The following CSMD3 variants were observed in gnomAD, a reference collection of about 807,000 sequenced individuals.
CSMD3 encodes CUB and sushi domain-containing protein 3.
Under a neutral mutation model 435.2 loss-of-function variants are expected in CSMD3, and 177 were observed. That is an observed-to-expected ratio of 0.41 (90% CI 0.36 to 0.46). CSMD3 has a LOEUF of 0.46. Among genes scored for constraint, CSMD3 ranks in the 20% least tolerant of loss-of-function variants. The pLI, the probability that CSMD3 is intolerant of heterozygous loss-of-function variation, is 0.34. For synonymous variants in CSMD3, 1,656 were observed against 1,520.5 expected (o/e 1.09, Z -2.07); for missense variants, 4,265 against 4,504.6 (o/e 0.95, Z 1.52).
intron 3 of CSMD3, among the ~76,000 whole-genome samples, chr8:113,273,369 T>G (rs552084329): frequency 2.2e-3 from 339 of 152,144 alleles, no homozygotes; most frequent in African/African-American, 7.8e-3. Context: ...ACTTTGTTTT[T>G]TGCGGTTTCA....
chr8:113,366,970 C>T (rs1174664881), intron 1 of CSMD3, among the ~76,000 whole-genome samples: 2 of 151,902 alleles, frequency 1.3e-5, no homozygotes, highest in Non-Finnish European at 2.9e-5. Flanking sequence ...AGGTTATTCC[C>T]TTTAAACTAA....
At chr8:113,090,986 T>TAG (rs2089983218) in intron 5 of CSMD3, among the ~76,000 whole-genome samples, 1 of 152,114 alleles carries the variant, frequency 6.6e-6, no homozygotes, top group African/African-American at 2.4e-5. Flanking sequence ...AAAAAATACA[T>TAG]AGAGAGAGTT....
At chr8:112,670,900 G>C (rs2131728204) in intron 16 of CSMD3, among the ~76,000 whole-genome samples, 1 of 152,130 alleles carries the variant, frequency 6.6e-6, no homozygotes, top group South Asian at 2.1e-4. Context: ...TGAATATTTA[G>C]AGGAAAAAAT....
intron 32 of CSMD3, among the ~76,000 whole-genome samples, chr8:112,434,790 C>T (rs1450176576): frequency 6.6e-6 from 1 of 152,058 alleles, no homozygotes; most frequent in Non-Finnish European, 1.5e-5. Flanking sequence ...TTAATGAGGG[C>T]TCCCCAAGTA....
chr8:113,209,391 A>G (rs2092806404), intron 3 of CSMD3, among the ~76,000 whole-genome samples: 1 of 152,178 alleles, frequency 6.6e-6, no homozygotes, highest in Non-Finnish European at 1.5e-5. Context: ...CTAAGGCACA[A>G]GATATTTCAA....
intron 69 of CSMD3, among the ~76,000 whole-genome samples, chr8:112,230,758 G>C (rs900202675): frequency 2.6e-5 from 4 of 152,102 alleles, no homozygotes; most frequent in African/African-American, 9.6e-5. Context: ...TTTGCAGTGA[G>C]CCAAGACTGT....
chr8:112,806,739 C>A (rs1486885825), intron 12 of CSMD3, among the ~76,000 whole-genome samples: 1 of 152,114 alleles, frequency 6.6e-6, no homozygotes, highest in African/African-American at 2.4e-5. Context: ...TTCAGCTCAC[C>A]TCCACTAGAA....
intron 1 of CSMD3, among the ~76,000 whole-genome samples, chr8:113,404,243 CATA>C (rs1324052517): frequency 6.6e-6 from 1 of 151,206 alleles, no homozygotes; most frequent in Non-Finnish European, 1.5e-5. Context: ...TAATGAAATG[CATA>C]ATATGATATA....
intron 32 of CSMD3, 97 bp downstream of exon 32, chr8:112,472,494 A>G: frequency 1.3e-6 from 1 of 774,800 alleles, no homozygotes; most frequent in South Asian, 1.4e-5. Context: ...TACTTTATGG[A>G]TAGCACGTAT....
Position 112,786,121 on chromosome 8 carries a change from TC to T in CSMD3, c.1972+14040del, listed in dbSNP as rs940922088. On this transcript the variant is annotated intron_variant, in intron 13 of 70. Transcript: ENST00000297405. ...ACAGAATCAAGAACCCAGAAATAAATCCATACATTTGCAATGAACTCATTTT... is the reference window on the plus strand; with the variant it reads ...ACAGAATCAAGAACCCAGAAATAAATCATACATTTGCAATGAACTCATTTT... Among the ~76,000 whole-genome samples the T allele has an allele frequency of 1.5e-3, 235 of 151,778 alleles. 1 individual carries two copies. Among genetic ancestry groups the T allele is most frequent in the African/African-American group, 5.3e-3 (221 of 41,402 alleles).
chr8:112,494,564 T>C (rs1821134659), intron 30 of CSMD3, among the ~76,000 whole-genome samples: 1 of 136,544 alleles, frequency 7.3e-6, no homozygotes, highest in African/African-American at 2.8e-5. Context: ...TCTTTCTTTC[T>C]TTCTTTCTTT....
At chr8:112,843,186 T>C (rs1587454695) in intron 11 of CSMD3, among the ~76,000 whole-genome samples, 1 of 151,870 alleles carries the variant, frequency 6.6e-6, no homozygotes, top group African/African-American at 2.4e-5. Flanking sequence ...CTAGATACTA[T>C]CATTTGAATG....
chr8:113,144,594 C>T (rs765653257), intron 4 of CSMD3, among the ~76,000 whole-genome samples: 1 of 151,512 alleles, frequency 6.6e-6, no homozygotes, highest in African/African-American at 2.4e-5. Context: ...TCTTCAAATA[C>T]ATTTTTTTTT....
intron 22 of CSMD3, among the ~76,000 whole-genome samples, chr8:112,611,489 G>A (rs1408630884): frequency 6.6e-6 from 1 of 151,940 alleles, no homozygotes; most frequent in Non-Finnish European, 1.5e-5. Context: ...ACTTTCAATG[G>A]GTACTTAGAA....
intron 12 of CSMD3, among the ~76,000 whole-genome samples, chr8:112,813,595 A>G (rs1038303700): frequency 6.6e-6 from 1 of 152,060 alleles, no homozygotes; most frequent in African/African-American, 2.4e-5. Context: ...CTTACAGCAA[A>G]ATTTTCGCTG....
intron 1 of CSMD3, among the ~76,000 whole-genome samples, chr8:113,397,586 G>A (rs1334669520): frequency 6.6e-6 from 1 of 152,080 alleles, no homozygotes; most frequent in Non-Finnish European, 1.5e-5. Flanking sequence ...GGGAGGCCGA[G>A]GCGGGGGAAC....
At chr8:112,876,083 C>G (rs1056068515) in intron 10 of CSMD3, among the ~76,000 whole-genome samples, 2 of 151,782 alleles carry the variant, frequency 1.3e-5, no homozygotes, top group Admixed American at 1.3e-4. Flanking sequence ...TGTCGGTGAC[C>G]TTCTGATGGG....
At chr8:113,203,848 C>A (rs941548712) in intron 3 of CSMD3, among the ~76,000 whole-genome samples, 2 of 152,070 alleles carry the variant, frequency 1.3e-5, no homozygotes, top group African/African-American at 4.8e-5. Flanking sequence ...GAGTTTCACT[C>A]TTTAACAATG....
intron 13 of CSMD3, among the ~76,000 whole-genome samples, chr8:112,796,972 GT>G (rs2078844738): frequency 6.6e-6 from 1 of 151,948 alleles, no homozygotes; most frequent in Non-Finnish European, 1.5e-5. Context: ...ATGAATCCTA[GT>G]TGAATAAAAA....
Sources: allele counts gnomAD v4.1 joint callset (sites outside exome capture counted in the v4.1 genomes callset), GRCh38; gene constraint gnomAD v4.1.1; transcripts MANE v1.5; gene names NCBI Gene and HGNC (gene_info 2026-07-23, HGNC 2026-07-21).